The following PARD3B variants were observed in gnomAD, a reference collection of about 807,000 sequenced individuals.
PARD3B encodes the protein partitioning defective 3 homolog B.
In PARD3B, 103 loss-of-function variants were observed where a neutral mutation model predicts 130.2. That is an observed-to-expected ratio of 0.79 (90% confidence interval 0.67 to 0.93). PARD3B has a LOEUF of 0.93. PARD3B is among the 40% of genes least tolerant of loss of function. The probability of loss-of-function intolerance (pLI) is 0.00; values close to 1 mark genes in which losing one functional copy is unlikely to be tolerated. For missense variants in PARD3B, 1,609 were observed against 1,499.2 expected (o/e 1.07, Z -1.21); for synonymous variants, 583 against 553.2 (o/e 1.05, Z -0.76).
In PARD3B at chr2:205,533,747, T is replaced by C. The variant is rs185777004; in HGVS notation, c.3181-19577T>C. 4.5e-4 allele frequency among the ~76,000 whole-genome samples: 68 copies of C among 152,238 alleles called. No individual in the cohort carries two copies. In the East Asian group the frequency reaches 8.7e-3, roughly 19 times the overall value. The stretch of plus-strand genomic sequence containing the variant: ...GTTTTTTGTTTGTTTGTTTGTTTTT[T>C]GAGACAGGGTCTTGCTTTGTCACCC... On this transcript the variant is annotated intron_variant, in intron 21 of 22. Coordinates refer to ENST00000406610, the MANE Select transcript of PARD3B (RefSeq NM_001302769.2).
intron 2 of PARD3B, among the ~76,000 whole-genome samples, chr2:204,713,366 C>T (rs116733033): frequency 0.035 from 5,295 of 151,480 alleles, 344 homozygotes; most frequent in African/African-American, 0.12. Flanking sequence ...ATGGTATGTC[C>T]ATTTCATCCC....
At chr2:204,791,214 G>A (rs559666960) in intron 2 of PARD3B, among the ~76,000 whole-genome samples, 1 of 152,206 alleles carries the variant, frequency 6.6e-6, no homozygotes, top group East Asian at 1.9e-4. Context: ...GGACACTGGG[G>A]TACTGCAACA....
intron 2 of PARD3B, among the ~76,000 whole-genome samples, chr2:204,946,697 T>C (rs1258420079): frequency 6.6e-6 from 1 of 152,182 alleles, no homozygotes; most frequent in Non-Finnish European, 1.5e-5. Context: ...AATAAGGAAT[T>C]GGCTCACATG....
chr2:205,018,492 A>T (rs1696329832), intron 3 of PARD3B, among the ~76,000 whole-genome samples: 1 of 152,044 alleles, frequency 6.6e-6, no homozygotes, highest in South Asian at 2.1e-4. Context: ...ATTGGACTTG[A>T]TGAAGTGTTT....
At chr2:204,766,254 T>C (rs2041141295) in intron 2 of PARD3B, among the ~76,000 whole-genome samples, 1 of 152,212 alleles carries the variant, frequency 6.6e-6, no homozygotes, top group Non-Finnish European at 1.5e-5. Context: ...GATTTTATGT[T>C]AAGTAGTACT....
At chr2:204,835,776 C>A (rs985122323) in intron 2 of PARD3B, among the ~76,000 whole-genome samples, 2 of 152,228 alleles carry the variant, frequency 1.3e-5, no homozygotes, top group African/African-American at 2.4e-5. Context: ...GTGATCCTCA[C>A]ATGTGAGTTG....
At chr2:205,426,469 C>A (rs886479478) in intron 19 of PARD3B, among the ~76,000 whole-genome samples, 1 of 152,176 alleles carries the variant, frequency 6.6e-6, no homozygotes, top group East Asian at 1.9e-4. Context: ...ATAAAGAAAG[C>A]TGTACAGCAG....
chr2:204,601,692 G>C (rs895636795), intron 1 of PARD3B, among the ~76,000 whole-genome samples: 5 of 151,960 alleles, frequency 3.3e-5, no homozygotes, highest in African/African-American at 9.7e-5. Context: ...CTTGGTGAAA[G>C]TGATTGTCAC....
chr2:205,393,409 TA>T (rs2045924259), intron 18 of PARD3B, among the ~76,000 whole-genome samples: 1 of 152,208 alleles, frequency 6.6e-6, no homozygotes, highest in Non-Finnish European at 1.5e-5. Flanking sequence ...GTGAAGTTTG[TA>T]GGTTTTCACA....
At chr2:204,949,216 C>T (rs1329349813) in intron 2 of PARD3B, among the ~76,000 whole-genome samples, 1 of 152,176 alleles carries the variant, frequency 6.6e-6, no homozygotes, top group Non-Finnish European at 1.5e-5. Flanking sequence ...ACTCTAGGTA[C>T]AAAATGTAGG....
intron 10 of PARD3B, among the ~76,000 whole-genome samples, chr2:205,147,472 G>T (rs183350901): frequency 1.3e-5 from 2 of 152,076 alleles, no homozygotes; most frequent in African/African-American, 4.8e-5. Context: ...ATATGGAATG[G>T]CCATTTTCTG....
At chr2:205,394,953 A>G (rs530207180) in intron 18 of PARD3B, among the ~76,000 whole-genome samples, 1 of 152,314 alleles carries the variant, frequency 6.6e-6, no homozygotes, top group South Asian at 2.1e-4. Context: ...AATGTGCTTA[A>G]TGCCACTGAA....
intron 3 of PARD3B, among the ~76,000 whole-genome samples, chr2:205,009,730 T>C (rs958545082): frequency 6.6e-6 from 1 of 152,160 alleles, no homozygotes; most frequent in Non-Finnish European, 1.5e-5. Flanking sequence ...CTTATGTTTT[T>C]AGTTATGGGT....
intron 2 of PARD3B, among the ~76,000 whole-genome samples, chr2:204,832,188 T>G: frequency 6.6e-6 from 1 of 152,052 alleles, no homozygotes; most frequent in South Asian, 2.1e-4. Flanking sequence ...ATCACGCCAC[T>G]GCACTCCAGT....
Position 205,280,467 on chromosome 2 carries a change from T to C in PARD3B, c.2186-20063T>C, listed in dbSNP as rs180859485. Reference sequence around the variant, plus strand: ...TTTAATTTTTATTCCAAACTCTAGATTAAGTTTCAGAGTTCAGCCTGGGAG... The same window carrying C: ...TTTAATTTTTATTCCAAACTCTAGACTAAGTTTCAGAGTTCAGCCTGGGAG... On this transcript the variant is annotated intron_variant, in intron 16 of 22. Transcript: ENST00000406610. The surrounding 1 kb of genome is among the most constrained non-coding windows in gnomAD (Gnocchi z 4.7). Among the ~76,000 whole-genome samples, 277 of 152,352 alleles carry C rather than the reference T, an allele frequency of 1.8e-3. 2 individuals carry two copies. The highest frequency in any genetic ancestry group is 2.6e-3 in the Non-Finnish European group (179 of 68,030).
At chr2:204,780,884 A>T (rs1291464695) in intron 2 of PARD3B, among the ~76,000 whole-genome samples, 3 of 152,160 alleles carry the variant, frequency 2.0e-5, no homozygotes, top group Non-Finnish European at 4.4e-5. Context: ...CAGAAAGAAA[A>T]AAAAAAAGAT....
chr2:204,765,907 AGCTAGT>A (rs1487581578), intron 2 of PARD3B, among the ~76,000 whole-genome samples: 1 of 152,216 alleles, frequency 6.6e-6, no homozygotes, highest in Non-Finnish European at 1.5e-5. Flanking sequence ...GAACTTGCCT[AGCTAGT>A]GCAGTTAGTA....
chr2:204,774,358 A>G (rs2041520902), intron 2 of PARD3B, among the ~76,000 whole-genome samples: 2 of 152,088 alleles, frequency 1.3e-5, no homozygotes, highest in Admixed American at 1.3e-4. Flanking sequence ...ATAATAGTCC[A>G]TGTAATTGTT....
At chr2:204,650,748 T>G (rs1322235272) in intron 1 of PARD3B, among the ~76,000 whole-genome samples, 2 of 152,146 alleles carry the variant, frequency 1.3e-5, no homozygotes, top group South Asian at 4.1e-4. Context: ...TACCTGAGAT[T>G]GGGTAATTGA....
Sources: gnomAD v4.1 joint callset for allele counts (sites outside exome capture counted in the v4.1 genomes callset) on GRCh38, gnomAD v4.1.1 for gene constraint, Gnocchi (gnomAD v3.1) non-coding constraint, MANE v1.5 for transcripts, NCBI Gene and HGNC (gene_info 2026-07-23, HGNC 2026-07-21) for gene names.